Variants in ST6GALNAC3 observed in about 807,000 individuals in gnomAD.
ST6GALNAC3 encodes ST6 N-acetylgalactosaminide alpha-2,6-sialyltransferase 3, also known as alpha-N-acetylgalactosaminide alpha-2,6-sialyltransferase 3.
A neutral mutation model predicts 32.7 loss-of-function variants in ST6GALNAC3; 25 were observed. The observed-to-expected ratio is 0.76, with a 90% confidence interval of 0.56 to 1.07. The LOEUF is 1.07. Among genes scored for constraint, ST6GALNAC3 ranks in the 50% least tolerant of loss-of-function variants. The pLI, the probability that ST6GALNAC3 is intolerant of heterozygous loss-of-function variation, is 0.00. For synonymous variants in ST6GALNAC3, 129 were observed against 133.1 expected (o/e 0.97, Z 0.21); for missense variants, 355 against 382.4 (o/e 0.93, Z 0.60).
intron 3 of ST6GALNAC3, among the ~76,000 whole-genome samples, chr1:76,535,936 G>A (rs1297972181): frequency 1.3e-5 from 2 of 152,078 alleles, no homozygotes; most frequent in African/African-American, 4.8e-5. Flanking sequence ...AGCAAAAATA[G>A]CATTTGATGG....
intron 3 of ST6GALNAC3, among the ~76,000 whole-genome samples, chr1:76,619,311 A>C (rs1648489561): frequency 6.6e-6 from 1 of 152,122 alleles, no homozygotes. Context: ...TTATGTAAAA[A>C]CTGTTTCCAT....
intron 3 of ST6GALNAC3, among the ~76,000 whole-genome samples, chr1:76,476,247 A>G (rs2101640343): frequency 6.6e-6 from 1 of 152,282 alleles, no homozygotes; most frequent in Non-Finnish European, 1.5e-5. Context: ...GAAGGACCAG[A>G]CAGTAAATAT....
Position 76,310,933 on chromosome 1 carries a change from G to A in ST6GALNAC3, c.19-2872G>A, listed in dbSNP as rs544428518. Among the ~76,000 whole-genome samples, 407 of 152,146 alleles carry A rather than the reference G, an allele frequency of 2.7e-3. 2 individuals are homozygous for A. Among genetic ancestry groups the A allele is most frequent in the South Asian group, 5.8e-3 (28 of 4,814 alleles). On this transcript the variant is annotated intron_variant, in intron 1 of 4. Coordinates refer to ENST00000328299, the MANE Select transcript of ST6GALNAC3 (RefSeq NM_152996.4). ...GGGCTTTATCTTTTTACTATCTTATGTCAGTTCCTGCTCTGACAACTCTGG... is the reference window on the plus strand; with the variant it reads ...GGGCTTTATCTTTTTACTATCTTATATCAGTTCCTGCTCTGACAACTCTGG...
At chr1:76,399,247 A>G (rs1653222379) in intron 2 of ST6GALNAC3, among the ~76,000 whole-genome samples, 1 of 152,142 alleles carries the variant, frequency 6.6e-6, no homozygotes, top group Non-Finnish European at 1.5e-5. Flanking sequence ...TTTAATAAAA[A>G]TGTTTCCTAC....
At chr1:76,354,555 A>G (rs779699613) in intron 2 of ST6GALNAC3, among the ~76,000 whole-genome samples, 5 of 152,210 alleles carry the variant, frequency 3.3e-5, no homozygotes, top group Non-Finnish European at 7.3e-5. Context: ...GGTTTGCTGT[A>G]TTTAGAAGTT....
chr1:76,389,012 C>CTTTTT (rs371619828), intron 2 of ST6GALNAC3, among the ~76,000 whole-genome samples: 15 of 127,358 alleles, frequency 1.2e-4, no homozygotes, highest in South Asian at 2.4e-4. Context: ...GGTATATTTC[C>CTTTTT]TTTTTTTTTT....
intron 3 of ST6GALNAC3, among the ~76,000 whole-genome samples, chr1:76,535,437 T>C: frequency 6.6e-6 from 1 of 152,214 alleles, no homozygotes; most frequent in South Asian, 2.1e-4. Context: ...AGTATAAATA[T>C]TTTTTTCCCC....
intron 1 of ST6GALNAC3, among the ~76,000 whole-genome samples, chr1:76,139,997 C>T (rs929763651): frequency 6.6e-6 from 1 of 152,226 alleles, no homozygotes; most frequent in African/African-American, 2.4e-5. Context: ...TACTTCCTCA[C>T]TGCTTTGCCA....
intron 2 of ST6GALNAC3, among the ~76,000 whole-genome samples, chr1:76,369,673 T>C (rs937901732): frequency 6.6e-6 from 1 of 152,000 alleles, no homozygotes; most frequent in Admixed American, 6.6e-5. Context: ...GAATATACAG[T>C]CTTCATTCTA....
intron 1 of ST6GALNAC3, among the ~76,000 whole-genome samples, chr1:76,095,674 T>G (rs761685495): frequency 3.3e-5 from 5 of 152,246 alleles, no homozygotes; most frequent in Non-Finnish European, 5.9e-5. Flanking sequence ...GCAAGTGTTC[T>G]ATAAATACTA....
intron 1 of ST6GALNAC3, among the ~76,000 whole-genome samples, chr1:76,220,914 G>T (rs1054867622): frequency 6.6e-6 from 1 of 152,192 alleles, no homozygotes; most frequent in Admixed American, 6.5e-5. Context: ...GTCTTGACAG[G>T]TGCATAGTCT....
chr1:76,628,372 A>T (rs1299833101), intron 4 of ST6GALNAC3, among the ~76,000 whole-genome samples: 2 of 151,984 alleles, frequency 1.3e-5, no homozygotes, highest in Non-Finnish European at 2.9e-5. Flanking sequence ...TTTTCAAAAG[A>T]TAGCCATATG....
rs1328537675 is a variant in ST6GALNAC3 at position 76,509,838 on chromosome 1, A to ATGGTTACAT, written c.623+97425_623+97433dup. Among the ~76,000 whole-genome samples, 2 of 152,138 alleles carry ATGGTTACAT rather than the reference A, an allele frequency of 1.3e-5. No homozygotes were observed. The highest frequency in any genetic ancestry group is 2.9e-5 in the Non-Finnish European group (2 of 68,018). Reference sequence around the variant, plus strand: ...CTCTATTTCTCTTTTAAGGACCCCCATGGTTACATTGGGCCAGAATAATCC... The same window carrying ATGGTTACAT: ...CTCTATTTCTCTTTTAAGGACCCCCATGGTTACATTGGTTACATTGGGCCAGAATAATCC... On this transcript the variant is annotated intron_variant, in intron 3 of 4. Transcript: ENST00000328299. The surrounding 1 kb of genome is among the most constrained non-coding windows in gnomAD (Gnocchi z 5.5).
At chr1:76,473,373 A>G (rs1310329387) in intron 3 of ST6GALNAC3, among the ~76,000 whole-genome samples, 1 of 152,180 alleles carries the variant, frequency 6.6e-6, no homozygotes, top group East Asian at 1.9e-4. Context: ...CACAGGTGGG[A>G]CATTTCTAGG....
chr1:76,205,031 G>A (rs1487709880), intron 1 of ST6GALNAC3, among the ~76,000 whole-genome samples: 2 of 152,124 alleles, frequency 1.3e-5, no homozygotes, highest in African/African-American at 2.4e-5. Context: ...TATTCCCAAC[G>A]TCATTTGCTT....
intron 1 of ST6GALNAC3, among the ~76,000 whole-genome samples, chr1:76,116,563 G>T (rs1648494475): frequency 6.6e-6 from 1 of 152,164 alleles, no homozygotes; most frequent in Non-Finnish European, 1.5e-5. Context: ...GTGAAGAGCT[G>T]TTGGAGACCA....
chr1:76,403,522 G>A (rs1432019973), intron 2 of ST6GALNAC3, among the ~76,000 whole-genome samples: 3 of 151,966 alleles, frequency 2.0e-5, no homozygotes, highest in Non-Finnish European at 4.4e-5. Context: ...GCATCTATTG[G>A]AATCACATGT....
intron 1 of ST6GALNAC3, among the ~76,000 whole-genome samples, chr1:76,140,845 C>T (rs909808619): frequency 2.8e-5 from 4 of 141,058 alleles, no homozygotes; most frequent in Non-Finnish European, 3.0e-5. Flanking sequence ...TGCTAAGTTG[C>T]CAGAGTGATC....
intron 3 of ST6GALNAC3, among the ~76,000 whole-genome samples, chr1:76,599,411 A>G (rs914678449): frequency 6.6e-6 from 1 of 152,128 alleles, no homozygotes; most frequent in Non-Finnish European, 1.5e-5. Context: ...TAAGCCCCAC[A>G]TGCATTAGGT....
Sources: gnomAD v4.1 joint callset for allele counts (sites outside exome capture counted in the v4.1 genomes callset) on GRCh38, gnomAD v4.1.1 for gene constraint, Gnocchi (gnomAD v3.1) non-coding constraint, MANE v1.5 for transcripts, NCBI Gene and HGNC (gene_info 2026-07-23, HGNC 2026-07-21) for gene names.